Variants in GRIK3 observed in about 807,000 individuals in gnomAD.
The protein encoded by GRIK3 is glutamate ionotropic receptor kainate type subunit 3, also known as glutamate receptor ionotropic, kainate 3.
A neutral mutation model predicts 102.5 loss-of-function variants in GRIK3; 29 were observed. The observed-to-expected ratio is 0.28, with a 90% CI of 0.21 to 0.39. The LOEUF (loss-of-function observed/expected upper bound fraction) is 0.39. GRIK3 is among the 10% of genes least tolerant of loss of function. The pLI, the probability that GRIK3 is intolerant of heterozygous loss-of-function variation, is 1.00. For synonymous variants in GRIK3, 511 were observed against 504.9 expected (o/e 1.01, Z -0.16); for missense variants, 908 against 1,252.4 (o/e 0.73, Z 4.15).
At chr1:36,963,946 G>A (rs569092489) in intron 1 of GRIK3, among the ~76,000 whole-genome samples, 4 of 152,350 alleles carry the variant, frequency 2.6e-5, no homozygotes, top group South Asian at 2.1e-4. Flanking sequence ...GAAGTAGCTG[G>A]TGAGGATGAA....
intron 1 of GRIK3, among the ~76,000 whole-genome samples, chr1:36,979,004 T>C (rs1642221909): frequency 6.6e-6 from 1 of 152,244 alleles, no homozygotes; most frequent in African/African-American, 2.4e-5. Flanking sequence ...CTGTCTGAAT[T>C]ATACATATTG....
intron 6 of GRIK3, 74 bp from the exon 7 acceptor site, chr1:36,859,325 TCTC>T: frequency 6.8e-7 from 1 of 1,471,404 alleles, no homozygotes; most frequent in Non-Finnish European, 9.2e-7. Context: ...CTGTCCCCCT[TCTC>T]CTCCCTTGCC....
intron 1 of GRIK3, among the ~76,000 whole-genome samples, chr1:36,971,741 G>A (rs1642143781): frequency 6.6e-6 from 1 of 152,168 alleles, no homozygotes; most frequent in South Asian, 2.1e-4. Context: ...CTTCTAGGTG[G>A]ATAGCAGAGT....
chr1:37,008,629 C>T (rs2124048871), intron 1 of GRIK3, among the ~76,000 whole-genome samples: 1 of 152,308 alleles, frequency 6.6e-6, no homozygotes, highest in South Asian at 2.1e-4. Flanking sequence ...GGGCAGGTCA[C>T]AGGGAGGGCC....
chr1:36,990,743 G>T (rs1300800354), intron 1 of GRIK3, among the ~76,000 whole-genome samples: 1 of 152,174 alleles, frequency 6.6e-6, no homozygotes, highest in Non-Finnish European at 1.5e-5. Context: ...GAGGTCTAGA[G>T]CCACTGGGCA....
Position 36,850,338 on chromosome 1 carries a change from G to A in GRIK3, c.1299C>T (p.Asn433=). 6.2e-7 allele frequency: 1 copy of A among 1,610,560 alleles called. No individual in the cohort carries two copies. ...GCACTGTGGTGACAATGAGTGATCT[G>A]TTTGTCAGAGAGTCGGTGACATTAG... The part of the protein sequence containing the change: ...RGPNVTDSLT[N]RSLIVTTVLE... The change falls in exon 9 of 16, where the codon AAC becomes AAT. Residue 433 remains asparagine (N), a synonymous_variant. Transcript: ENST00000373091. The surrounding 1 kb of genome is among the most constrained non-coding windows in gnomAD (Gnocchi z 4.0).
chr1:36,920,645 G>A (rs1020659298), intron 1 of GRIK3, among the ~76,000 whole-genome samples: 1 of 152,136 alleles, frequency 6.6e-6, no homozygotes, highest in Non-Finnish European at 1.5e-5. Flanking sequence ...CCATGCACCA[G>A]CTCCTGTGCT....
intron 1 of GRIK3, among the ~76,000 whole-genome samples, chr1:36,907,469 G>A (rs982027173): frequency 6.6e-6 from 1 of 152,132 alleles, no homozygotes; most frequent in Non-Finnish European, 1.5e-5. Flanking sequence ...GAGGCCCATC[G>A]TTAGAAAAGT....
intron 1 of GRIK3, among the ~76,000 whole-genome samples, chr1:36,931,014 A>G (rs969397115): frequency 1.3e-5 from 2 of 152,170 alleles, no homozygotes; most frequent in Non-Finnish European, 2.9e-5. Context: ...CTCAGGGACC[A>G]TGTTCTTCTA....
Position 36,869,746 on chromosome 1 carries a change from A to T in GRIK3, c.786+2T>A, listed in dbSNP as rs1484486058. ...CCGTGCCAGGACCCAGAGGTACATT[A>T]CCAGAGTGGTGAAGATGAAGTGGTA... On this transcript the variant is annotated splice_donor_variant, in intron 5 of 15. Coordinates refer to ENST00000373091, the MANE Select transcript of GRIK3 (RefSeq NM_000831.4). LOFTEE classifies it high-confidence loss of function. The T allele has an allele frequency of 6.2e-7, 1 of 1,605,634 alleles. No homozygotes were observed. Among genetic ancestry groups the T allele is most frequent in the Admixed American group, 1.7e-5 (1 of 60,012 alleles).
intron 1 of GRIK3, among the ~76,000 whole-genome samples, chr1:36,901,315 T>C (rs148637430): frequency 6.6e-6 from 1 of 152,256 alleles, no homozygotes; most frequent in East Asian, 1.9e-4. Context: ...TCCAATCATG[T>C]ATAAAAAGAA....
At chr1:36,873,492 G>C (rs760353629) in intron 3 of GRIK3, among the ~76,000 whole-genome samples, 1 of 151,754 alleles carries the variant, frequency 6.6e-6, no homozygotes, top group East Asian at 1.9e-4. Flanking sequence ...TATACTTCCC[G>C]CCCCTTCCTC....
rs148270928 is a variant in GRIK3, at chr1:36,962,202, G to A, written c.116-71106C>T. Among the ~76,000 whole-genome samples the A allele has an allele frequency of 1.3e-3, 197 of 152,276 alleles. 1 individual carries two copies. Among genetic ancestry groups the A allele is most frequent in the African/African-American group, 4.5e-3 (185 of 41,562 alleles). On this transcript the variant is annotated intron_variant, in intron 1 of 15. Coordinates refer to ENST00000373091, the MANE Select transcript of GRIK3 (RefSeq NM_000831.4). ...TACCTGCTTCTGAACAGGTTCGCAT[G>A]TATCAGCTTCTCCTCTTCTACTAGA...
intron 1 of GRIK3, among the ~76,000 whole-genome samples, chr1:36,971,618 T>G (rs1041637455): frequency 1.1e-4 from 17 of 152,248 alleles, no homozygotes; most frequent in African/African-American, 4.1e-4. Context: ...GGAAAGGTTA[T>G]ACTTGGATAT....
intron 1 of GRIK3, among the ~76,000 whole-genome samples, chr1:36,902,299 T>C (rs114797936): frequency 0.011 from 1,687 of 150,996 alleles, 29 homozygotes; most frequent in African/African-American, 0.038. Context: ...AAGAACAACA[T>C]TGGGAGATCA....
chr1:36,913,705 C>T (rs940257102), intron 1 of GRIK3, among the ~76,000 whole-genome samples: 1 of 152,158 alleles, frequency 6.6e-6, no homozygotes, highest in African/African-American at 2.4e-5. Context: ...CACAGCCCCA[C>T]CCCCAATCAC....
chr1:36,978,300 C>T (rs538770013), intron 1 of GRIK3, among the ~76,000 whole-genome samples: 9 of 152,356 alleles, frequency 5.9e-5, no homozygotes, highest in East Asian at 1.9e-4. Context: ...ACCCAGATTA[C>T]GGAGCATCTA....
intron 1 of GRIK3, among the ~76,000 whole-genome samples, chr1:36,914,374 CA>C (rs1353401287): frequency 1.3e-5 from 2 of 152,306 alleles, no homozygotes; most frequent in African/African-American, 4.8e-5. Flanking sequence ...AGAAGTTGAA[CA>C]AGGTTGAGCA....
intron 1 of GRIK3, among the ~76,000 whole-genome samples, chr1:36,928,310 T>C (rs944575429): frequency 1.1e-4 from 16 of 152,300 alleles, no homozygotes; most frequent in Admixed American, 9.8e-4. Context: ...ATAGCTGTGC[T>C]TTAGCCCACA....
Sources: gnomAD v4.1 joint callset for allele counts (sites outside exome capture counted in the v4.1 genomes callset) on GRCh38, gnomAD v4.1.1 for gene constraint, Gnocchi (gnomAD v3.1) non-coding constraint, MANE v1.5 for transcripts, NCBI Gene and HGNC (gene_info 2026-07-23, HGNC 2026-07-21) for gene names.